KDM2B: variants seen among roughly 807,000 people sequenced by gnomAD.
The protein encoded by KDM2B is lysine demethylase 2B.
KDM2B carries 26 observed loss-of-function variants against 150.0 expected under a neutral mutation model. That is an observed-to-expected ratio of 0.17 (90% CI 0.13 to 0.24). The LOEUF (loss-of-function observed/expected upper bound fraction) is 0.24, where lower values mean the gene tolerates loss of function less well. Ranked by LOEUF, KDM2B falls within the 10% of genes least tolerant of loss-of-function variation. The pLI is 1.00. For missense variants in KDM2B, 1,265 were observed against 1,816.9 expected (o/e 0.70, Z 5.52); for synonymous variants, 734 against 729.5 (o/e 1.01, Z -0.10).
intron 2 of KDM2B, 73 bp downstream of exon 2, chr12:121,578,729 G>A (rs1454311566): frequency 8.6e-6 from 9 of 1,045,366 alleles, no homozygotes; most frequent in Non-Finnish European, 4.7e-6. Flanking sequence ...TACGAACCCA[G>A]CCACCGGCAG....
chr12:121,579,959 A>AT, intron 1 of KDM2B: 1 of 1,476,676 alleles, frequency 6.8e-7, no homozygotes. Flanking sequence ...AAAAAAAAAA[A>AT]AGATCTATCA....
At chr12:121,410,545 CAA>C in the KDM2B span, among the ~76,000 whole-genome samples, 61 of 137,586 alleles carry the variant, frequency 4.4e-4, no homozygotes, top group Admixed American at 7.3e-4. Flanking sequence ...TCAAAACCAC[CAA>C]AAAAAAAAAA....
intron 6 of KDM2B, among the ~76,000 whole-genome samples, chr12:121,542,244 C>G (rs114173510): frequency 0.012 from 1,806 of 152,330 alleles, 29 homozygotes; most frequent in African/African-American, 0.042. Context: ...CCAACAGCCA[C>G]GGGGATGCAC....
chr12:121,576,993 G>T (rs570577735), intron 2 of KDM2B, among the ~76,000 whole-genome samples: 1 of 152,318 alleles, frequency 6.6e-6, no homozygotes, highest in Middle Eastern at 3.4e-3. Flanking sequence ...GGCTCACAGT[G>T]AATGGGGATT....
intron 13 of KDM2B, among the ~76,000 whole-genome samples, chr12:121,446,208 C>G (rs113436847): frequency 2.0e-5 from 3 of 151,126 alleles, no homozygotes; most frequent in Non-Finnish European, 4.4e-5. Flanking sequence ...ATCCCGGCTA[C>G]CACGGTGAAA....
In KDM2B at chr12:121,465,522, C is replaced by G. The variant is rs532177958; in HGVS notation, c.1735-12178G>C. ...GTGCTGGGATTACAGGTGTGAGCCA[C>G]CGCGCACGGCCTACAGGTCCTCTCT... On this transcript the variant is annotated intron_variant, in intron 12 of 22. Coordinates refer to ENST00000377071, the MANE Select transcript of KDM2B (RefSeq NM_032590.5). Among the ~76,000 whole-genome samples, 150 of 152,338 alleles carry G rather than the reference C, an allele frequency of 9.8e-4. 4 individuals carry two copies. The highest frequency in any genetic ancestry group is 1.5e-4 in the Non-Finnish European group (10 of 68,030).
intron 13 of KDM2B, among the ~76,000 whole-genome samples, chr12:121,446,089 C>T (rs1466663960): frequency 6.6e-6 from 1 of 152,202 alleles, no homozygotes; most frequent in Non-Finnish European, 1.5e-5. Flanking sequence ...TGACTCATGC[C>T]ATACGCTTAT....
At chr12:121,421,602 T>C in the KDM2B span, among the ~76,000 whole-genome samples, 1 of 152,088 alleles carries the variant, frequency 6.6e-6, no homozygotes, top group Non-Finnish European at 1.5e-5. Context: ...ACAGAAATTC[T>C]TCCTCAGCTG....
Position 121,467,122 on chromosome 12 carries a change from CG to C in KDM2B, c.1735-13779del. The C allele has an allele frequency of 9.1e-7, 1 of 1,101,438 alleles. No individual in the cohort carries two copies. The highest frequency in any genetic ancestry group is 1.7e-5 in the South Asian group (1 of 57,582). 68.2% of individuals were successfully genotyped at this position (1,101,438 alleles called of 1,614,324 possible). A position where few individuals can be genotyped will look rare whatever the true frequency, so the allele number is the denominator to read the frequency against. On this transcript the variant is annotated intron_variant, in intron 12 of 22. Coordinates refer to ENST00000377071, the MANE Select transcript of KDM2B (RefSeq NM_032590.5). This position sits in a 1 kb window ranked among gnomAD's most constrained non-coding sequence, Gnocchi z 5.1. The stretch of plus-strand genomic sequence containing the variant: ...GACAGGCGGTCGGGAGGTCGTGCGG[CG>C]GGTCCCTCCCTCAGCCCCACCCCGG...
intron 14 of KDM2B, 78 bp downstream of exon 14, chr12:121,445,197 C>T: frequency 1.3e-6 from 2 of 1,527,966 alleles, no homozygotes; most frequent in Admixed American, 3.5e-5. Flanking sequence ...GACCTGCATC[C>T]CACCATCTCA....
intron 11 of KDM2B, among the ~76,000 whole-genome samples, chr12:121,497,104 T>C (rs1555301169): frequency 6.6e-6 from 1 of 151,824 alleles, no homozygotes. Context: ...AACAGCACAG[T>C]GGTCAAGAAT....
At chr12:121,530,065 A>G (rs1238996249) in intron 8 of KDM2B, among the ~76,000 whole-genome samples, 1 of 151,030 alleles carries the variant, frequency 6.6e-6, no homozygotes, top group East Asian at 2.0e-4. Context: ...TGTCTCTACT[A>G]AAAACACAAA....
At chr12:121,553,925 G>A (rs1277582949) in intron 4 of KDM2B, among the ~76,000 whole-genome samples, 1 of 152,028 alleles carries the variant, frequency 6.6e-6, no homozygotes, top group Non-Finnish European at 1.5e-5. Flanking sequence ...GGCCTTGGTG[G>A]CTGGTGGCTC....
chr12:121,543,525 T>C (rs961676142), intron 6 of KDM2B, among the ~76,000 whole-genome samples: 19 of 151,690 alleles, frequency 1.3e-4, no homozygotes, highest in African/African-American at 4.4e-4. Flanking sequence ...AAAAAAATTT[T>C]TTAATTTTTA....
At chr12:121,572,822 AT>A (rs33946368) in intron 4 of KDM2B, among the ~76,000 whole-genome samples, 58,538 of 100,234 alleles carry the variant, frequency 0.58, 15,422 homozygotes, top group Middle Eastern at 0.71. Context: ...ACCTGGATAA[AT>A]TTTTTTTTTT....
rs1288724200 is a variant in KDM2B at position 121,575,984 on chromosome 12, C to G, written c.272-125G>C. 1.4e-6 allele frequency: 1 copy of G among 691,294 alleles called. No individual in the cohort carries two copies. The highest frequency in any genetic ancestry group is 1.8e-5 in the African/African-American group (1 of 56,368). 42.8% of individuals were successfully genotyped at this position (691,294 alleles called of 1,614,324 possible). ...CAGGGGGTCCAGGAGATGCAGGCACCAGCTGTACAGCAAAAGCTCCTTGGA... is the reference window on the plus strand; with the variant it reads ...CAGGGGGTCCAGGAGATGCAGGCACGAGCTGTACAGCAAAAGCTCCTTGGA... On this transcript the variant is annotated intron_variant, in intron 2 of 22. Coordinates refer to ENST00000377071, the MANE Select transcript of KDM2B (RefSeq NM_032590.5). The surrounding 1 kb of genome is among the most constrained non-coding windows in gnomAD (Gnocchi z 4.4).
the KDM2B span, among the ~76,000 whole-genome samples, chr12:121,408,633 A>G: frequency 1.3e-5 from 2 of 152,158 alleles, no homozygotes; most frequent in Non-Finnish European, 2.9e-5. Flanking sequence ...GTACAGGAAG[A>G]TGAAACATAC....
intron 12 of KDM2B, among the ~76,000 whole-genome samples, chr12:121,487,970 G>A (rs1230680170): frequency 2.0e-5 from 3 of 151,818 alleles, no homozygotes; most frequent in Non-Finnish European, 4.4e-5. Context: ...TTCAGTACAG[G>A]CAGGGTTTCA....
chr12:121,516,867 G>GAAA (rs11433051), intron 9 of KDM2B: 1,504 of 551,120 alleles, frequency 2.7e-3, no homozygotes, highest in South Asian at 5.2e-3. Flanking sequence ...TTTTCTCCTG[G>GAAA]AAAAAAAAAA....
Sources: allele counts gnomAD v4.1 joint callset (sites outside exome capture counted in the v4.1 genomes callset), GRCh38; gene constraint gnomAD v4.1.1; non-coding constraint Gnocchi (gnomAD v3.1); transcripts MANE v1.5; gene names NCBI Gene and HGNC (gene_info 2026-07-23, HGNC 2026-07-21).